The following CACNA1I variants were observed in gnomAD, a reference collection of about 807,000 sequenced individuals.
The protein encoded by CACNA1I is calcium voltage-gated channel subunit alpha1 I.
In CACNA1I, 74 loss-of-function variants were observed where a neutral mutation model predicts 201.6. That is an observed-to-expected ratio of 0.37 (90% CI 0.30 to 0.45). CACNA1I has a LOEUF of 0.45. Ranked by LOEUF, CACNA1I falls within the 20% of genes least tolerant of loss-of-function variation. The pLI is 1.00. For synonymous variants in CACNA1I, 1,431 were observed against 1,345.2 expected (o/e 1.06, Z -1.40); for missense variants, 2,346 against 3,138.1 (o/e 0.75, Z 6.03).
chr22:39,679,523 G>A, intron 32 of CACNA1I, 78 bp downstream of exon 32: 1 of 1,156,152 alleles, frequency 8.6e-7, no homozygotes. Context: ...GGGCCAGGGA[G>A]GCCTTGCACA....
chr22:39,603,721 A>G (rs1933132032), intron 3 of CACNA1I, among the ~76,000 whole-genome samples: 1 of 152,262 alleles, frequency 6.6e-6, no homozygotes, highest in African/African-American at 2.4e-5. Context: ...GAATGAATGT[A>G]TACGGCAGAT....
chr22:39,656,395 T>C (rs1302126116), intron 10 of CACNA1I: 1 of 518,844 alleles, frequency 1.9e-6, no homozygotes. Context: ...CAGCTCTCTC[T>C]TAGCTTTTAG....
chr22:39,575,078 C>T (rs777144950), intron 1 of CACNA1I, among the ~76,000 whole-genome samples: 1 of 152,266 alleles, frequency 6.6e-6, no homozygotes, highest in South Asian at 2.1e-4. Context: ...GTCAGCACCG[C>T]TCCCTGCCTG....
At chr22:39,632,705 G>GTGAA (rs966718981) in intron 4 of CACNA1I, among the ~76,000 whole-genome samples, 21 of 152,338 alleles carry the variant, frequency 1.4e-4, no homozygotes, top group African/African-American at 3.1e-4. Context: ...GAATGAGTGA[G>GTGAA]TGAATGAATG....
intron 10 of CACNA1I, among the ~76,000 whole-genome samples, chr22:39,653,555 G>T (rs1569082038): frequency 6.6e-6 from 1 of 152,180 alleles, no homozygotes; most frequent in Admixed American, 6.5e-5. Context: ...GAGAGGGTGG[G>T]TGAACTCCCT....
Position 39,662,284 on chromosome 22 carries a change from T to C in CACNA1I, c.3221T>C (p.Val1074Ala). Residue 1074 changes from valine to alanine, a missense_variant, in exon 17 of 37, where the codon GTG becomes GCG. Transcript: ENST00000402142. Reference sequence around the variant, plus strand: ...GACCTGGCCGAGCTGGTGCCCGCGGTGGGCGCCCACCCCCGGGCCGCCTGG... The same window carrying C: ...GACCTGGCCGAGCTGGTGCCCGCGGCGGGCGCCCACCCCCGGGCCGCCTGG... Reference protein sequence around the residue: ...SVDLAELVPAVGAHPRAAWRA... With the variant: ...SVDLAELVPAAGAHPRAAWRA... 6.6e-7 allele frequency: 1 copy of C among 1,514,008 alleles called. No individual in the cohort carries two copies. The highest frequency in any genetic ancestry group is 8.8e-7 in the Non-Finnish European group (1 of 1,136,390). The allele number at this position is 1,514,008 out of a possible 1,614,324, so 93.8% of individuals were successfully genotyped here.
chr22:39,688,385 G>A lies in CACNA1I; in HGVS notation c.*1980G>A, dbSNP rs1350738341. On this transcript the variant is annotated 3_prime_UTR_variant, in exon 37 of 37. Coordinates refer to ENST00000402142, the MANE Select transcript of CACNA1I (RefSeq NM_021096.4). This position sits in a 1 kb window ranked among gnomAD's most constrained non-coding sequence, Gnocchi z 4.8. The stretch of plus-strand genomic sequence containing the variant: ...GCCCTGCCTCCCTTTCCACAGAGGT[G>A]GTTTTATGTGGAACGAGGTACCTTG... The A allele has an allele frequency of 6.6e-6, 1 of 152,266 alleles. No homozygotes were observed. Among genetic ancestry groups the A allele is most frequent in the Non-Finnish European group, 1.5e-5 (1 of 68,068 alleles). The allele number at this position is 152,266 out of a possible 1,614,324, so 9.4% of individuals were successfully genotyped here. A position where few individuals can be genotyped will look rare whatever the true frequency, so the allele number is the denominator to read the frequency against.
At chr22:39,661,791 G>C (rs1178067663) in intron 16 of CACNA1I, among the ~76,000 whole-genome samples, 174 bp from the exon 17 acceptor site, 1 of 152,266 alleles carries the variant, frequency 6.6e-6, no homozygotes, top group Non-Finnish European at 1.5e-5. Flanking sequence ...TGTGGATGTG[G>C]ATGGAGTGAG....
chr22:39,664,786 C>T lies in CACNA1I; in HGVS notation c.3714C>T (p.Ser1238=). Residue 1238 remains serine, a synonymous_variant, in exon 21 of 37, where the codon AGC becomes AGT. Coordinates refer to ENST00000402142, the MANE Select transcript of CACNA1I (RefSeq NM_021096.4). ...LYFGEQAYLR[S]SWNVLDGFLV... ...TCGGCGAGCAGGCGTACCTACGCAG[C>T]AGCTGGAACGTGCTGGATGGCTTTC... The T allele has an allele frequency of 6.2e-7, 1 of 1,612,386 alleles. No individual in the cohort carries two copies. The highest frequency in any genetic ancestry group is 8.5e-7 in the Non-Finnish European group (1 of 1,179,650).
At chr22:39,584,822 T>C (rs184235538) in intron 1 of CACNA1I, among the ~76,000 whole-genome samples, 4 of 152,344 alleles carry the variant, frequency 2.6e-5, no homozygotes, top group Admixed American at 6.5e-5. Context: ...CTTCTGTGGC[T>C]GTCACCCATA....
In CACNA1I at chr22:39,680,937, T is replaced by G. The variant is rs1416540760; in HGVS notation, c.5549T>G (p.Leu1850Arg). 1 of 1,609,880 alleles carries G rather than the reference T, an allele frequency of 6.2e-7. No individual in the cohort carries two copies. The highest frequency in any genetic ancestry group is 1.3e-5 in the African/African-American group (1 of 74,926). The change falls in exon 34 of 37, where the codon CTG (leucine) becomes CGG (arginine). Residue 1850 changes from leucine (L) to arginine (R), a missense_variant. Physicochemically the swap from Leu to Arg is moderately radical, Grantham distance 102. Coordinates refer to ENST00000402142, the MANE Select transcript of CACNA1I (RefSeq NM_021096.4). ...KCHHDKQEVQ[L>R]AETEAFSLNS... ...CACCCCCTCTTCCTGCAGGTGCAGC[T>G]GGCTGAGACGGAGGCCTTCTCCCTG...
chr22:39,662,509 G>A (rs1935057810), intron 17 of CACNA1I, 74 bp downstream of exon 17: 3 of 1,158,448 alleles, frequency 2.6e-6, no homozygotes, highest in Non-Finnish European at 3.5e-6. Context: ...CCAGGAGGCG[G>A]GGCCCGAGCG....
chr22:39,662,901 A>C (rs1488610492), intron 18 of CACNA1I, 25 bp downstream of exon 18: 3 of 1,433,446 alleles, frequency 2.1e-6, no homozygotes, highest in Non-Finnish European at 2.9e-6. Flanking sequence ...GCCTGGGGTG[A>C]GGGTTAGAGT....
rs765377678 is a variant in CACNA1I, at chr22:39,679,677, C to T, written c.5395-45C>T. ...CTGCCCACCCCACAGCCCCGGGACCCGGCTGATAATCCCGCCTGTCCCCAC... is the reference window on the plus strand; with the variant it reads ...CTGCCCACCCCACAGCCCCGGGACCTGGCTGATAATCCCGCCTGTCCCCAC... On this transcript the variant is annotated intron_variant, in intron 32 of 36. Transcript: ENST00000402142. 9.6e-6 allele frequency: 15 copies of T among 1,554,806 alleles called. No homozygotes were observed. In the East Asian group the frequency reaches 1.6e-4, roughly 17 times the overall value.
chr22:39,578,500 C>T (rs954633773), intron 1 of CACNA1I, among the ~76,000 whole-genome samples: 1 of 152,092 alleles, frequency 6.6e-6, no homozygotes, highest in Non-Finnish European at 1.5e-5. Context: ...GTACCACCCT[C>T]CCTCCTCCTC....
At position 39,664,762 on chromosome 22, in the gene CACNA1I, C is replaced by T. The variant is rs16985844; in HGVS notation, c.3690C>T (p.Phe1230=). The change falls in exon 21 of 37, where the codon TTC becomes TTT. Residue 1230 remains phenylalanine, a synonymous_variant. Coordinates refer to ENST00000402142, the MANE Select transcript of CACNA1I (RefSeq NM_021096.4). ...TLKVVSLGLY[F]GEQAYLRSSW... ...AGGTAGTCTCGCTGGGCCTGTACTT[C>T]GGCGAGCAGGCGTACCTACGCAGCA... The T allele has an allele frequency of 8.3e-3, 11,858 of 1,431,046 alleles. 798 individuals are homozygous for T. The African/African-American group carries it at 0.15, about 18-fold the overall frequency. 88.6% of individuals were successfully genotyped at this position (1,431,046 alleles called of 1,614,324 possible). A position where few individuals can be genotyped will look rare whatever the true frequency, so the allele number is the denominator to read the frequency against.
chr22:39,664,677 G>A, intron 20 of CACNA1I, 62 bp from the exon 21 acceptor site: 1 of 534,638 alleles, frequency 1.9e-6, no homozygotes, highest in Non-Finnish European at 3.2e-6. Context: ...GAGCCCGGTT[G>A]GCCCCGCCCA....
intron 1 of CACNA1I, among the ~76,000 whole-genome samples, chr22:39,575,391 T>C (rs935148289): frequency 1.3e-5 from 2 of 152,160 alleles, no homozygotes; most frequent in Admixed American, 6.5e-5. Context: ...ACAGTGGAGT[T>C]TGGGAACTGG....
chr22:39,580,419 C>G lies in CACNA1I; in HGVS notation c.236+9431C>G, dbSNP rs116415753. 6.9e-3 allele frequency among the ~76,000 whole-genome samples: 1,056 copies of G among 152,316 alleles called. 14 individuals carry two copies. The highest frequency in any genetic ancestry group is 0.025 in the African/African-American group (1,028 of 41,558). The stretch of plus-strand genomic sequence containing the variant: ...AGCAGGCATTGGAGGAGCCTGACCC[C>G]CAGGGCAACCTCAGGTACCCTGGCA... On this transcript the variant is annotated intron_variant, in intron 1 of 36. Coordinates refer to ENST00000402142, the MANE Select transcript of CACNA1I (RefSeq NM_021096.4).
Sources: gnomAD v4.1 joint callset for allele counts (sites outside exome capture counted in the v4.1 genomes callset) on GRCh38, gnomAD v4.1.1 for gene constraint, Gnocchi (gnomAD v3.1) non-coding constraint, MANE v1.5 for transcripts, NCBI Gene and HGNC (gene_info 2026-07-23, HGNC 2026-07-21) for gene names.